SGMS1: variants seen among roughly 807,000 people sequenced by gnomAD.
SGMS1 encodes the protein phosphatidylcholine:ceramide cholinephosphotransferase 1.
A neutral mutation model predicts 46.2 loss-of-function variants in SGMS1; 13 were observed. The observed-to-expected ratio is 0.28, with a 90% CI of 0.18 to 0.45. The LOEUF (loss-of-function observed/expected upper bound fraction) is 0.45, where lower values mean the gene tolerates loss of function less well. SGMS1 is among the 20% of genes least tolerant of loss of function. SGMS1 has a pLI of 1.00. For missense variants in SGMS1, 324 were observed against 519.9 expected, an observed-to-expected ratio of 0.62 and a Z score of 3.66; for synonymous variants, 203 against 187.8, an observed-to-expected ratio of 1.08 and a Z score of -0.66.
intron 3 of SGMS1, among the ~76,000 whole-genome samples, chr10:50,519,208 TACACAG>T (rs1372369278): frequency 6.6e-6 from 1 of 152,184 alleles, no homozygotes; most frequent in East Asian, 1.9e-4. Flanking sequence ...AATCAACATA[TACACAG>T]ACACAGAAAT....
chr10:50,614,654 T>A (rs1243077810), intron 1 of SGMS1, among the ~76,000 whole-genome samples: 1 of 152,236 alleles, frequency 6.6e-6, no homozygotes, highest in Non-Finnish European at 1.5e-5. Flanking sequence ...GTGATTCTGA[T>A]ACACGCTGAA....
intron 2 of SGMS1, among the ~76,000 whole-genome samples, chr10:50,563,742 C>CAAAAA (rs60882939): frequency 9.1e-5 from 6 of 65,710 alleles, no homozygotes; most frequent in Middle Eastern, 8.6e-3. Context: ...GACTCCGTCT[C>CAAAAA]AAAAAAAAAA....
chr10:50,534,999 C>T (rs1245334763), intron 2 of SGMS1, among the ~76,000 whole-genome samples: 4 of 152,118 alleles, frequency 2.6e-5, no homozygotes, highest in African/African-American at 9.7e-5. Flanking sequence ...TCTGGGAGGC[C>T]GAGGCGGTTG....
At chr10:50,320,594 C>T (rs1296400175) in intron 8 of SGMS1, among the ~76,000 whole-genome samples, 1 of 152,180 alleles carries the variant, frequency 6.6e-6, no homozygotes, top group Non-Finnish European at 1.5e-5. Flanking sequence ...AACCACGACT[C>T]CTTAGTTGGG....
chr10:50,368,060 G>A (rs530046137), intron 6 of SGMS1, among the ~76,000 whole-genome samples: 73 of 152,334 alleles, frequency 4.8e-4, no homozygotes, highest in African/African-American at 1.7e-3. Flanking sequence ...ACAAAACTAT[G>A]TAATGGAATT....
intron 5 of SGMS1, among the ~76,000 whole-genome samples, chr10:50,459,608 T>C (rs1459539257): frequency 2.0e-5 from 3 of 152,232 alleles, no homozygotes; most frequent in African/African-American, 7.2e-5. Context: ...TTCACCATGT[T>C]GGCCAGGCTG....
intron 2 of SGMS1, among the ~76,000 whole-genome samples, chr10:50,561,226 T>C (rs940092454): frequency 1.3e-5 from 2 of 152,256 alleles, no homozygotes; most frequent in African/African-American, 4.8e-5. Flanking sequence ...ATGTTTACCG[T>C]GTTTTGGGCA....
At chr10:50,383,101 G>A (rs997707661) in intron 6 of SGMS1, among the ~76,000 whole-genome samples, 1 of 152,128 alleles carries the variant, frequency 6.6e-6, no homozygotes, top group Non-Finnish European at 1.5e-5. Flanking sequence ...GACTTTATAA[G>A]ATTATCAAAT....
chr10:50,584,184 G>T (rs980025128), intron 2 of SGMS1, among the ~76,000 whole-genome samples: 8 of 152,118 alleles, frequency 5.3e-5, no homozygotes, highest in African/African-American at 1.9e-4. Context: ...AGACATGAAT[G>T]GCTATAGATC....
At chr10:50,589,911 T>A (rs1216855437) in intron 2 of SGMS1, among the ~76,000 whole-genome samples, 2 of 152,230 alleles carry the variant, frequency 1.3e-5, no homozygotes, top group Non-Finnish European at 1.5e-5. Flanking sequence ...GGGAAGAATA[T>A]CCTTATTTGT....
chr10:50,321,668 G>A (rs967197996), intron 8 of SGMS1, among the ~76,000 whole-genome samples: 2 of 152,198 alleles, frequency 1.3e-5, no homozygotes, highest in African/African-American at 4.8e-5. Context: ...CATCCAACAG[G>A]ATGGCAGGAA....
At chr10:50,339,673 T>C (rs1241864007) in intron 7 of SGMS1, among the ~76,000 whole-genome samples, 1 of 152,234 alleles carries the variant, frequency 6.6e-6, no homozygotes, top group Non-Finnish European at 1.5e-5. Flanking sequence ...ACTAGTTGAA[T>C]GAATGAATGA....
chr10:50,582,274 C>T (rs1457868980), intron 2 of SGMS1, among the ~76,000 whole-genome samples: 1 of 152,198 alleles, frequency 6.6e-6, no homozygotes, highest in South Asian at 2.1e-4. Flanking sequence ...AAGACCCTCC[C>T]TAGATGTCTG....
At chr10:50,623,092 G>A (rs1271773324) in intron 1 of SGMS1, among the ~76,000 whole-genome samples, 1 of 152,034 alleles carries the variant, frequency 6.6e-6, no homozygotes, top group African/African-American at 2.4e-5. Context: ...GGGCTGTTAC[G>A]CGGCCTGGAG....
rs114459875 is a variant in SGMS1 at position 50,312,156 on chromosome 10, T to G, written c.742-741A>C. ...CTCTTTTAAATTCTGGTTGTCTAATTTAATTACCATGATCCAATTTAATTA... is the reference window on the plus strand; with the variant it reads ...CTCTTTTAAATTCTGGTTGTCTAATGTAATTACCATGATCCAATTTAATTA... On this transcript the variant is annotated intron_variant, in intron 8 of 10. Transcript: ENST00000361781. Among the ~76,000 whole-genome samples the G allele has an allele frequency of 8.9e-3, 1,349 of 152,280 alleles. 26 individuals are homozygous for G. Among genetic ancestry groups the G allele is most frequent in the African/African-American group, 0.031 (1,292 of 41,558 alleles).
intron 5 of SGMS1, among the ~76,000 whole-genome samples, chr10:50,457,846 G>A (rs1199377290): frequency 6.6e-6 from 1 of 152,144 alleles, no homozygotes; most frequent in East Asian, 1.9e-4. Context: ...AAAAGAAATG[G>A]TGTACCTAAA....
At chr10:50,318,129 T>G (rs1847378084) in intron 8 of SGMS1, among the ~76,000 whole-genome samples, 1 of 152,214 alleles carries the variant, frequency 6.6e-6, no homozygotes, top group Admixed American at 6.5e-5. Context: ...TCTGTGGAAT[T>G]CTTTCACAAA....
At chr10:50,483,419 T>C (rs1837494129) in intron 3 of SGMS1, among the ~76,000 whole-genome samples, 1 of 152,126 alleles carries the variant, frequency 6.6e-6, no homozygotes, top group South Asian at 2.1e-4. Context: ...ATAAAGAGAC[T>C]TAGACTCCCT....
chr10:50,415,588 G>C (rs1343701295), intron 6 of SGMS1, among the ~76,000 whole-genome samples: 2 of 152,120 alleles, frequency 1.3e-5, no homozygotes, highest in African/African-American at 4.8e-5. Flanking sequence ...ATGATGTGGG[G>C]CTGTCAGCAA....
Sources: gnomAD v4.1 joint callset for allele counts (sites outside exome capture counted in the v4.1 genomes callset) on GRCh38, gnomAD v4.1.1 for gene constraint, MANE v1.5 for transcripts, NCBI Gene and HGNC (gene_info 2026-07-23, HGNC 2026-07-21) for gene names.